Variants in SLC35F3 observed in about 807,000 individuals in gnomAD.
SLC35F3 encodes solute carrier family 35 member F3.
Under a neutral mutation model 49.9 loss-of-function variants are expected in SLC35F3, and 25 were observed. The observed-to-expected ratio is 0.50, with a 90% CI of 0.37 to 0.70. The LOEUF is 0.70. Among genes scored for constraint, SLC35F3 ranks in the 30% least tolerant of loss-of-function variants. The pLI, the probability that SLC35F3 is intolerant of heterozygous loss-of-function variation, is 0.00. For missense variants in SLC35F3, 525 were observed against 639.8 expected (o/e 0.82, Z 1.94); for synonymous variants, 275 against 265.4 (o/e 1.04, Z -0.35).
chr1:233,977,611 G>A (rs1208122283), intron 2 of SLC35F3, among the ~76,000 whole-genome samples: 1 of 152,134 alleles, frequency 6.6e-6, no homozygotes, highest in African/African-American at 2.4e-5. Flanking sequence ...TATATTTTAA[G>A]TATTGTTGCT....
At chr1:234,302,390 A>T (rs907038348) in intron 3 of SLC35F3, among the ~76,000 whole-genome samples, 1 of 152,152 alleles carries the variant, frequency 6.6e-6, no homozygotes, top group Admixed American at 6.5e-5. Context: ...AAGGTCATTC[A>T]CAGTTGGTCC....
intron 3 of SLC35F3, among the ~76,000 whole-genome samples, chr1:234,242,020 T>A (rs1300080643): frequency 6.6e-6 from 1 of 152,254 alleles, no homozygotes; most frequent in African/African-American, 2.4e-5. Context: ...GCACTGGCAT[T>A]CTCTCCCATA....
chr1:234,174,579 C>T (rs974436973), intron 2 of SLC35F3, among the ~76,000 whole-genome samples: 1 of 152,134 alleles, frequency 6.6e-6, no homozygotes, highest in South Asian at 2.1e-4. Flanking sequence ...GTCACCTGCC[C>T]GAGGTCACAC....
In SLC35F3 at chr1:234,113,450, T is replaced by G. The variant is rs1220460439; in HGVS notation, c.284-117967T>G. ...GCTAGAGGAGGAAGAAGCTGCTAAA[T>G]GTAAATGTAATGTTGGAAGGTATAA... On this transcript the variant is annotated intron_variant, in intron 2 of 7. Coordinates refer to ENST00000366618, the MANE Select transcript of SLC35F3 (RefSeq NM_173508.4). 2.0e-5 allele frequency among the ~76,000 whole-genome samples: 3 copies of G among 152,240 alleles called. No homozygotes were observed. In the East Asian group the frequency reaches 5.8e-4, roughly 29 times the overall value.
At chr1:234,282,019 T>C (rs902196445) in intron 3 of SLC35F3, among the ~76,000 whole-genome samples, 3 of 152,088 alleles carry the variant, frequency 2.0e-5, no homozygotes, top group African/African-American at 7.2e-5. Flanking sequence ...CTGGTACGTC[T>C]TGTGAAGTGG....
chr1:234,165,770 G>A (rs771656558), intron 2 of SLC35F3, among the ~76,000 whole-genome samples: 2 of 152,104 alleles, frequency 1.3e-5, no homozygotes, highest in Non-Finnish European at 2.9e-5. Flanking sequence ...GATGAAATTT[G>A]TGGTGGTGAA....
chr1:234,143,745 C>T (rs6659072), intron 2 of SLC35F3, among the ~76,000 whole-genome samples: 10,386 of 152,224 alleles, frequency 0.068, 586 homozygotes, highest in African/African-American at 0.14. Context: ...ACACAATTTC[C>T]TTATCCATTC....
intron 2 of SLC35F3, among the ~76,000 whole-genome samples, chr1:233,951,391 G>A (rs1290289938): frequency 6.6e-6 from 1 of 151,846 alleles, no homozygotes; most frequent in African/African-American, 2.4e-5. Flanking sequence ...CTCACCCAGA[G>A]CAACTTCTAG....
intron 2 of SLC35F3, among the ~76,000 whole-genome samples, chr1:234,055,847 T>C (rs1664449320): frequency 6.6e-6 from 1 of 152,356 alleles, no homozygotes; most frequent in South Asian, 2.1e-4. Flanking sequence ...TCTTAGATGC[T>C]TTTAGATTTT....
intron 2 of SLC35F3, among the ~76,000 whole-genome samples, chr1:234,197,281 G>C (rs563410176): frequency 6.6e-5 from 10 of 152,248 alleles, no homozygotes; most frequent in Non-Finnish European, 8.8e-5. Context: ...AACTCTTTGG[G>C]CAGCCTTGAG....
chr1:233,928,979 T>C (rs1377357954), intron 2 of SLC35F3, among the ~76,000 whole-genome samples: 3 of 152,168 alleles, frequency 2.0e-5, no homozygotes, highest in African/African-American at 7.2e-5. Context: ...TCTTAGTGGC[T>C]TCAAGCAATA....
chr1:234,084,908 A>T (rs1434051399), intron 2 of SLC35F3, among the ~76,000 whole-genome samples: 1 of 152,200 alleles, frequency 6.6e-6, no homozygotes, highest in Non-Finnish European at 1.5e-5. Flanking sequence ...TTAGAAGTGG[A>T]TATTCTGCAG....
At chr1:234,034,510 TATTC>T (rs537139095) in intron 2 of SLC35F3, among the ~76,000 whole-genome samples, 4 of 152,206 alleles carry the variant, frequency 2.6e-5, no homozygotes, top group Non-Finnish European at 5.9e-5. Flanking sequence ...TTTATTTATT[TATTC>T]ATTCATTCAT....
chr1:234,036,632 C>T (rs998079078), intron 2 of SLC35F3, among the ~76,000 whole-genome samples: 2 of 152,230 alleles, frequency 1.3e-5, no homozygotes, highest in African/African-American at 4.8e-5. Context: ...TATCTTTTCA[C>T]AACTATTCAG....
chr1:234,168,729 G>T (rs76483390), intron 2 of SLC35F3, among the ~76,000 whole-genome samples: 1 of 152,198 alleles, frequency 6.6e-6, no homozygotes, highest in African/African-American at 2.4e-5. Flanking sequence ...TGGCAGGGAG[G>T]CCTCTGGGAT....
Position 234,219,987 on chromosome 1 carries a change from G to A in SLC35F3, c.284-11430G>A, listed in dbSNP as rs537517951. Among the ~76,000 whole-genome samples, 63 of 152,310 alleles carry A rather than the reference G, an allele frequency of 4.1e-4. No individual in the cohort carries two copies. In the South Asian group the frequency reaches 7.0e-3, roughly 17 times the overall value. ...AGCAGGCAGTCTACTGGGCCAGAGC[G>A]TAGTGATCAGAAGAAGCAGGAGGAG... On this transcript the variant is annotated intron_variant, in intron 2 of 7. Coordinates refer to ENST00000366618, the MANE Select transcript of SLC35F3 (RefSeq NM_173508.4).
At chr1:234,113,081 G>GA (rs1665432792) in intron 2 of SLC35F3, among the ~76,000 whole-genome samples, 1 of 151,868 alleles carries the variant, frequency 6.6e-6, no homozygotes. Flanking sequence ...AAAAGAAGAA[G>GA]AAAAAGAAAA....
intron 3 of SLC35F3, among the ~76,000 whole-genome samples, chr1:234,292,400 C>T (rs1164454930): frequency 6.6e-6 from 1 of 152,188 alleles, no homozygotes; most frequent in African/African-American, 2.4e-5. Context: ...CCAAGCATGT[C>T]GGAGTTATTT....
At chr1:234,241,483 C>A (rs1056832049) in intron 3 of SLC35F3, among the ~76,000 whole-genome samples, 5 of 152,108 alleles carry the variant, frequency 3.3e-5, no homozygotes, top group African/African-American at 7.2e-5. Context: ...ACTTCAGTAA[C>A]CCCAGCACTT....
Sources: allele counts gnomAD v4.1 joint callset (sites outside exome capture counted in the v4.1 genomes callset), GRCh38; gene constraint gnomAD v4.1.1; transcripts MANE v1.5; gene names NCBI Gene and HGNC (gene_info 2026-07-23, HGNC 2026-07-21).